Variants in PMM2 observed in about 807,000 individuals in gnomAD.
The protein encoded by PMM2 is mannose-6-phosphate isomerase.
In PMM2, 35 loss-of-function variants were observed where a neutral mutation model predicts 33.2. That is an observed-to-expected ratio of 1.06 (90% confidence interval 0.81 to 1.40). The LOEUF (loss-of-function observed/expected upper bound fraction) is 1.40. PMM2 is among the 40% of genes most tolerant of loss of function. The probability of loss-of-function intolerance (pLI) is 0.00; values close to 1 mark genes in which losing one functional copy is unlikely to be tolerated. For synonymous variants in PMM2, 153 were observed against 114.7 expected (o/e 1.33, Z -2.13); for missense variants, 386 against 306.0 (o/e 1.26, Z -1.95).
At chr16:8,804,739 C>T (rs771708951) in intron 2 of PMM2, 28 bp from the exon 3 acceptor site, 17 of 1,514,894 alleles carry the variant, frequency 1.1e-5, no homozygotes, top group Non-Finnish European at 1.6e-5. Flanking sequence ...TCTTTGCATT[C>T]TAAGTGTTTT....
At chr16:8,833,814 TAG>T (rs1353859036) in intron 7 of PMM2, among the ~76,000 whole-genome samples, 1 of 152,106 alleles carries the variant, frequency 6.6e-6, no homozygotes, top group East Asian at 1.9e-4. Flanking sequence ...GACATCTGAT[TAG>T]AGAGTGCCTA....
intron 1 of PMM2, among the ~76,000 whole-genome samples, chr16:8,799,971 CTAAA>C (rs1332606167): frequency 6.6e-6 from 1 of 152,170 alleles, no homozygotes; most frequent in Non-Finnish European, 1.5e-5. Flanking sequence ...ATGTATTACT[CTAAA>C]AAAGTTTTTT....
At chr16:8,820,006 A>G (rs2060728926) in intron 7 of PMM2, among the ~76,000 whole-genome samples, 1 of 152,220 alleles carries the variant, frequency 6.6e-6, no homozygotes. Flanking sequence ...AGAAATGTTA[A>G]TAAGGAAGAT....
At chr16:8,831,137 C>G (rs1364367928) in intron 7 of PMM2, among the ~76,000 whole-genome samples, 1 of 151,232 alleles carries the variant, frequency 6.6e-6, no homozygotes, top group African/African-American at 2.5e-5. Flanking sequence ...GACTCCGTCT[C>G]CAAAAACAAA....
At chr16:8,835,238 G>A (rs12927488) in intron 7 of PMM2, among the ~76,000 whole-genome samples, 40,231 of 134,050 alleles carry the variant, frequency 0.3, 4,646 homozygotes, top group South Asian at 0.36. Flanking sequence ...TAGGAAGGAA[G>A]GGAGTTGTTG....
chr16:8,838,830 G>GT lies in PMM2; in HGVS notation c.640-8887dup, dbSNP rs1195910851. 4.6e-5 allele frequency among the ~76,000 whole-genome samples: 7 copies of GT among 152,074 alleles called. No homozygotes were observed. In the South Asian group the frequency reaches 1.5e-3, roughly 32 times the overall value. ...GCAAGTTTTTGGGCTCTATGCTTGAGTTTTTTTATGTTGTCATACATCAGG... is the reference window on the plus strand; with the variant it reads ...GCAAGTTTTTGGGCTCTATGCTTGAGTTTTTTTTATGTTGTCATACATCAGG... On this transcript the variant is annotated intron_variant, in intron 7 of 7. Transcript: ENST00000268261.
chr16:8,809,252 G>C (rs1274711057), intron 4 of PMM2: 1 of 152,222 alleles, frequency 6.6e-6, no homozygotes, highest in Non-Finnish European at 1.5e-5. Flanking sequence ...AGGTCTGTGA[G>C]ATTAAAATAG....
intron 7 of PMM2, chr16:8,833,031 G>A (rs187946764): frequency 1.1e-5 from 5 of 444,250 alleles, no homozygotes; most frequent in East Asian, 1.5e-4. Context: ...AATGCCTGGC[G>A]GGTAGAGGGT....
intron 7 of PMM2, among the ~76,000 whole-genome samples, chr16:8,843,314 A>T (rs1428727321): frequency 6.6e-6 from 1 of 152,084 alleles, no homozygotes; most frequent in African/African-American, 2.4e-5. Flanking sequence ...GGCGTCCGTG[A>T]TGGTCTGGGG....
chr16:8,801,348 A>G (rs1001045641), intron 1 of PMM2, among the ~76,000 whole-genome samples: 1 of 152,204 alleles, frequency 6.6e-6, no homozygotes, highest in African/African-American at 2.4e-5. Flanking sequence ...TATTTGAACT[A>G]TGTACAGAGC....
At chr16:8,834,980 C>G (rs955522307) in intron 7 of PMM2, among the ~76,000 whole-genome samples, 4 of 151,720 alleles carry the variant, frequency 2.6e-5, no homozygotes, top group Non-Finnish European at 5.9e-5. Flanking sequence ...CTGAAGGAGC[C>G]GGGGAGCAGA....
intron 7 of PMM2, among the ~76,000 whole-genome samples, chr16:8,836,049 C>G (rs1170645874): frequency 6.6e-6 from 1 of 150,928 alleles, no homozygotes; most frequent in African/African-American, 2.4e-5. Flanking sequence ...AGAGTAATGT[C>G]TAAATTGGCA....
intron 7 of PMM2, among the ~76,000 whole-genome samples, chr16:8,829,428 C>T (rs562384517): frequency 3.7e-4 from 57 of 152,328 alleles, no homozygotes; most frequent in Non-Finnish European, 7.3e-4. Context: ...TTTTATGGAA[C>T]CACAGGCAAA....
intron 7 of PMM2, among the ~76,000 whole-genome samples, chr16:8,816,615 C>T (rs1463564670): frequency 2.6e-5 from 4 of 151,992 alleles, no homozygotes; most frequent in Admixed American, 2.6e-4. Context: ...GTGGTGCACA[C>T]CTGTCATCCC....
At chr16:8,826,971 T>C (rs1424599954) in intron 7 of PMM2, among the ~76,000 whole-genome samples, 1 of 152,198 alleles carries the variant, frequency 6.6e-6, no homozygotes, top group Non-Finnish European at 1.5e-5. Context: ...TTTTTTATAA[T>C]CATCCTTACC....
intron 7 of PMM2, among the ~76,000 whole-genome samples, chr16:8,827,912 ATATT>A (rs1188486385): frequency 1.9e-5 from 2 of 107,832 alleles, no homozygotes; most frequent in Non-Finnish European, 3.6e-5. Context: ...TATATTATAT[ATATT>A]ATGTTTTATA....
chr16:8,801,733 T>TTA (rs1365704652), intron 1 of PMM2, 66 bp from the exon 2 acceptor site: 1 of 1,008,490 alleles, frequency 9.9e-7, no homozygotes, highest in Admixed American at 1.9e-5. Flanking sequence ...TGTGTTACCC[T>TTA]TAGAGTTTTG....
chr16:8,813,787 C>T lies in PMM2; in HGVS notation c.639+681C>T, dbSNP rs149009217. 6.2e-4 allele frequency among the ~76,000 whole-genome samples: 94 copies of T among 150,942 alleles called. No individual in the cohort carries two copies. The East Asian group carries it at 8.6e-3, about 14-fold the overall frequency. On this transcript the variant is annotated intron_variant, in intron 7 of 7. Transcript: ENST00000268261. ...GTGGATCCCCAGGAGGTCAGAGAGG[C>T]GTTGCTGCCATCAAAGGCCCAAGAG...
intron 7 of PMM2, among the ~76,000 whole-genome samples, chr16:8,821,373 G>A (rs940790934): frequency 6.6e-6 from 1 of 152,156 alleles, no homozygotes; most frequent in African/African-American, 2.4e-5. Flanking sequence ...TTCCTCCTGA[G>A]TGCCAGACTC....
Sources: gnomAD v4.1 joint callset for allele counts (sites outside exome capture counted in the v4.1 genomes callset) on GRCh38, gnomAD v4.1.1 for gene constraint, MANE v1.5 for transcripts, NCBI Gene and HGNC (gene_info 2026-07-23, HGNC 2026-07-21) for gene names.